Variants in RASSF6 observed in about 807,000 individuals in gnomAD.
RASSF6 encodes the protein Ras association domain family member 6.
In RASSF6, 52 loss-of-function variants were observed where a neutral mutation model predicts 44.0. The ratio of observed to expected loss-of-function variants is 1.18; its 90% confidence interval spans 0.95 to 1.49. The LOEUF (loss-of-function observed/expected upper bound fraction) is 1.49, where lower values mean the gene tolerates loss of function less well. RASSF6 is among the 40% of genes most tolerant of loss of function. RASSF6 has a pLI of 0.00. For missense variants in RASSF6, 464 were observed against 393.3 expected, an observed-to-expected ratio of 1.18 and a Z score of -1.52; for synonymous variants, 162 against 124.6, an observed-to-expected ratio of 1.30 and a Z score of -2.00.
intron 4 of RASSF6, among the ~76,000 whole-genome samples, chr4:73,588,411 A>G (rs919401712): frequency 6.6e-6 from 1 of 152,084 alleles, no homozygotes; most frequent in Non-Finnish European, 1.5e-5. Flanking sequence ...AAGGCCCTTG[A>G]CTACCATGAA....
chr4:73,620,256 A>G (rs1726613735), intron 1 of RASSF6, 32 bp downstream of exon 1: 2 of 1,352,512 alleles, frequency 1.5e-6, no homozygotes, highest in Non-Finnish European at 1.9e-6. Flanking sequence ...GGAGTGGATT[A>G]GAAAGTTTTT....
At chr4:73,618,333 TA>T (rs1013758883) in intron 1 of RASSF6, among the ~76,000 whole-genome samples, 24 of 17,124 alleles carry the variant, frequency 1.4e-3, no homozygotes, top group African/African-American at 2.8e-3. Context: ...AAACAGATTT[TA>T]ACTAGAAAGA....
intron 1 of RASSF6, among the ~76,000 whole-genome samples, chr4:73,617,332 G>T (rs1726425777): frequency 6.6e-6 from 1 of 152,186 alleles, no homozygotes; most frequent in African/African-American, 2.4e-5. Context: ...TGCTCAAGGT[G>T]CCCTCAGGGA....
intron 1 of RASSF6, 39 bp from the exon 2 acceptor site, chr4:73,611,868 T>C: frequency 7.5e-7 from 1 of 1,328,440 alleles, no homozygotes; most frequent in Non-Finnish European, 1.1e-6. Context: ...GTTCCTATAA[T>C]GCATTAAAAA....
intron 1 of RASSF6, among the ~76,000 whole-genome samples, chr4:73,618,551 A>T (rs1284758616): frequency 6.6e-5 from 10 of 152,180 alleles, no homozygotes; most frequent in Non-Finnish European, 1.2e-4. Context: ...TTTAATGAAT[A>T]TTGGAACCCT....
intron 8 of RASSF6, among the ~76,000 whole-genome samples, chr4:73,581,006 G>A (rs1339522019): frequency 6.6e-6 from 1 of 151,396 alleles, no homozygotes; most frequent in Non-Finnish European, 1.5e-5. Context: ...TATGGTTTTA[G>A]GTCTAACGTT....
chr4:73,620,102 G>A (rs1726604369), intron 1 of RASSF6, among the ~76,000 whole-genome samples, 186 bp downstream of exon 1: 1 of 151,624 alleles, frequency 6.6e-6, no homozygotes, highest in Admixed American at 6.6e-5. Flanking sequence ...CACCCTACAA[G>A]CTTACCTTGG....
At chr4:73,607,265 T>C (rs1239555733) in intron 2 of RASSF6, among the ~76,000 whole-genome samples, 1 of 152,144 alleles carries the variant, frequency 6.6e-6, no homozygotes, top group African/African-American at 2.4e-5. Context: ...GCAGGTTAAG[T>C]CCTGTTTGGT....
At chr4:73,592,761 T>C (rs1724646691) in intron 4 of RASSF6, among the ~76,000 whole-genome samples, 1 of 152,176 alleles carries the variant, frequency 6.6e-6, no homozygotes, top group Non-Finnish European at 1.5e-5. Flanking sequence ...AAAGAAGACA[T>C]TTAGATTTTA....
chr4:73,593,076 C>T (rs1029233540), intron 4 of RASSF6, among the ~76,000 whole-genome samples: 3 of 149,926 alleles, frequency 2.0e-5, no homozygotes, highest in Non-Finnish European at 3.0e-5. Flanking sequence ...AGTGCAATGG[C>T]GCAATCTCGG....
At chr4:73,617,432 A>C (rs1436477224) in intron 1 of RASSF6, among the ~76,000 whole-genome samples, 2 of 152,262 alleles carry the variant, frequency 1.3e-5, no homozygotes. Flanking sequence ...GGCGCTGCTC[A>C]GTCTGCCGAC....
rs1353766948 is a variant in RASSF6, at chr4:73,575,326, G to C, written c.*909C>G. Reference sequence around the variant, plus strand: ...GTTTTTTTTTCAAGTGGGTTAAACAGATCTGTGAGTACCTTGAGAGTTGTC... The same window carrying C: ...GTTTTTTTTTCAAGTGGGTTAAACACATCTGTGAGTACCTTGAGAGTTGTC... On this transcript the variant is annotated 3_prime_UTR_variant, in exon 11 of 11. Coordinates refer to ENST00000307439, the MANE Select transcript of RASSF6 (RefSeq NM_177532.5). The C allele has an allele frequency of 6.6e-6, 1 of 151,162 alleles. No individual in the cohort carries two copies. Among genetic ancestry groups the C allele is most frequent in the East Asian group, 1.9e-4 (1 of 5,158 alleles). 9.4% of individuals were successfully genotyped at this position (151,162 alleles called of 1,614,324 possible).
chr4:73,608,724 G>A (rs898882192), intron 2 of RASSF6, among the ~76,000 whole-genome samples: 1 of 152,160 alleles, frequency 6.6e-6, no homozygotes, highest in African/African-American at 2.4e-5. Flanking sequence ...GGTATTCAGC[G>A]TTCTTCAGGA....
At chr4:73,605,415 C>T (rs1725552887) in intron 2 of RASSF6, among the ~76,000 whole-genome samples, 2 of 152,160 alleles carry the variant, frequency 1.3e-5, no homozygotes, top group African/African-American at 4.8e-5. Flanking sequence ...CCATTTTATC[C>T]TTTATTCCTG....
rs137884350 is a variant in RASSF6, at chr4:73,584,385, T to C, written c.567+795A>G. Among the ~76,000 whole-genome samples, 261 of 152,146 alleles carry C rather than the reference T, an allele frequency of 1.7e-3. 1 individual carries two copies. Among genetic ancestry groups the C allele is most frequent in the African/African-American group, 5.9e-3 (244 of 41,518 alleles). ...TTGCTAAAGTACATCACATGAAAAA[T>C]ATTTGAGTTCTGGAAAAAAATGATG... On this transcript the variant is annotated intron_variant, in intron 6 of 10. Transcript: ENST00000307439.
At chr4:73,588,072 T>G (rs1233934036) in intron 4 of RASSF6, 138 bp from the exon 5 acceptor site, 14 of 481,786 alleles carry the variant, frequency 2.9e-5, no homozygotes, top group African/African-American at 5.8e-5. Flanking sequence ...ATAACAATTT[T>G]ATGATATTAT....
At position 73,578,031 on chromosome 4, in the gene RASSF6, A is replaced by AT. The variant is rs202049167; in HGVS notation, c.722-1301_722-1300insA. On this transcript the variant is annotated intron_variant, in intron 8 of 10. Transcript: ENST00000307439. Reference sequence around the variant, plus strand: ...AACAGGAGCCATATGCTCTCTTCTGACCTAGTTATTATTATCTGCAGTTAT... The same window carrying AT: ...AACAGGAGCCATATGCTCTCTTCTGATCCTAGTTATTATTATCTGCAGTTAT... 4.0e-3 allele frequency among the ~76,000 whole-genome samples: 613 copies of AT among 152,174 alleles called. 5 individuals carry two copies. The highest frequency in any genetic ancestry group is 0.014 in the African/African-American group (590 of 41,516).
intron 1 of RASSF6, chr4:73,616,083 C>A: frequency 1.4e-6 from 1 of 700,022 alleles, no homozygotes. Context: ...AGTTCCTTCT[C>A]TGCACCTGCT....
chr4:73,598,693 T>A lies in RASSF6; in HGVS notation c.91A>T (p.Thr31Ser). ...TGGTTCTCATAAAAAATGTTATAGG[T>A]CTTCAATAAAGAATTAAGTTGTTCC... ...TREQLNSLLK[T>S]YNIFYENQKN... Residue 31 changes from threonine to serine, a missense_variant, in exon 3 of 11, where the codon ACC (threonine) becomes TCC (serine). By Grantham distance (58) the Thr-to-Ser change is moderately conservative. Transcript: ENST00000307439. The A allele has an allele frequency of 6.8e-7, 1 of 1,472,066 alleles. No homozygotes were observed. Among genetic ancestry groups the A allele is most frequent in the Non-Finnish European group, 9.3e-7 (1 of 1,077,116 alleles). 91.2% of individuals were successfully genotyped at this position (1,472,066 alleles called of 1,614,324 possible).
Sources: allele counts gnomAD v4.1 joint callset (sites outside exome capture counted in the v4.1 genomes callset), GRCh38; gene constraint gnomAD v4.1.1; transcripts MANE v1.5; gene names NCBI Gene and HGNC (gene_info 2026-07-23, HGNC 2026-07-21).